The following KCNT2 variants were observed in gnomAD, a reference collection of about 807,000 sequenced individuals.
KCNT2 encodes the protein potassium sodium-activated channel subfamily T member 2, also known as potassium channel subfamily T member 2.
Under a neutral mutation model 153.8 loss-of-function variants are expected in KCNT2, and 67 were observed. The observed-to-expected ratio is 0.44, with a 90% confidence interval of 0.36 to 0.53. The LOEUF (loss-of-function observed/expected upper bound fraction) is 0.53. Ranked by LOEUF, KCNT2 falls within the 20% of genes least tolerant of loss-of-function variation. The pLI is 0.00. For missense variants in KCNT2, 975 were observed against 1,354.8 expected (o/e 0.72, Z 4.40); for synonymous variants, 500 against 458.8 (o/e 1.09, Z -1.15).
chr1:196,371,787 T>G (rs1417604677), intron 14 of KCNT2, among the ~76,000 whole-genome samples: 1 of 152,090 alleles, frequency 6.6e-6, no homozygotes, highest in East Asian at 1.9e-4. Context: ...TAATATTTAC[T>G]AGGAGATGCA....
intron 22 of KCNT2, among the ~76,000 whole-genome samples, chr1:196,292,533 G>A (rs1035866698): frequency 7.2e-5 from 11 of 152,172 alleles, no homozygotes; most frequent in Non-Finnish European, 1.5e-4. Context: ...GTGGCCGGGC[G>A]CAGTGGCTCA....
intron 16 of KCNT2, among the ~76,000 whole-genome samples, chr1:196,338,825 G>C (rs967039754): frequency 6.6e-6 from 1 of 151,558 alleles, no homozygotes; most frequent in Non-Finnish European, 1.5e-5. Flanking sequence ...ATGATTCTAG[G>C]GGCTATTTAC....
intron 14 of KCNT2, among the ~76,000 whole-genome samples, chr1:196,344,820 C>A (rs1343575471): frequency 6.6e-6 from 1 of 152,116 alleles, no homozygotes; most frequent in Non-Finnish European, 1.5e-5. Context: ...CTATTTTATG[C>A]TGGCACATTG....
chr1:196,560,532 T>C (rs2148920744), intron 1 of KCNT2, among the ~76,000 whole-genome samples: 1 of 151,990 alleles, frequency 6.6e-6, no homozygotes, highest in Admixed American at 6.6e-5. Flanking sequence ...TATGATCCAT[T>C]AATATCTTTC....
At chr1:196,312,971 G>T (rs1662336283) in intron 21 of KCNT2, among the ~76,000 whole-genome samples, 1 of 151,658 alleles carries the variant, frequency 6.6e-6, no homozygotes, top group Admixed American at 6.6e-5. Flanking sequence ...CATGCAAGGT[G>T]GTGGGTAGAG....
At chr1:196,248,209 A>G (rs1359800308) in intron 26 of KCNT2, among the ~76,000 whole-genome samples, 2 of 152,080 alleles carry the variant, frequency 1.3e-5, no homozygotes, top group Non-Finnish European at 2.9e-5. Flanking sequence ...AAAAACTTCA[A>G]ATAAACAACC....
intron 14 of KCNT2, among the ~76,000 whole-genome samples, chr1:196,355,605 T>C (rs1473208630): frequency 6.6e-6 from 1 of 151,814 alleles, no homozygotes; most frequent in Non-Finnish European, 1.5e-5. Flanking sequence ...TTAAATTCAC[T>C]GCCCTTAACG....
At chr1:196,474,383 T>C (rs1678354276) in intron 5 of KCNT2, among the ~76,000 whole-genome samples, 1 of 152,164 alleles carries the variant, frequency 6.6e-6, no homozygotes, top group Non-Finnish European at 1.5e-5. Context: ...CTTCTTTGGA[T>C]GAATTTAAAA....
chr1:196,551,414 G>A (rs963358260), intron 1 of KCNT2, among the ~76,000 whole-genome samples: 2 of 151,716 alleles, frequency 1.3e-5, no homozygotes, highest in Admixed American at 1.3e-4. Context: ...CTTTTGTAAA[G>A]GGGGATTCTT....
chr1:196,312,106 A>G (rs1203204476), intron 21 of KCNT2, among the ~76,000 whole-genome samples: 1 of 151,770 alleles, frequency 6.6e-6, no homozygotes, highest in African/African-American at 2.4e-5. Flanking sequence ...TTGTACTGGG[A>G]TGGCTTACTT....
chr1:196,441,552 T>C (rs1000605093), intron 8 of KCNT2, among the ~76,000 whole-genome samples: 2 of 151,548 alleles, frequency 1.3e-5, no homozygotes, highest in Non-Finnish European at 2.9e-5. Context: ...TATTTCAATA[T>C]TGTCCACATT....
chr1:196,376,219 A>C (rs1390756998), intron 13 of KCNT2, among the ~76,000 whole-genome samples: 1 of 151,820 alleles, frequency 6.6e-6, no homozygotes, highest in African/African-American at 2.4e-5. Context: ...TACTTACTAC[A>C]GGTTTCTAAT....
intron 26 of KCNT2, among the ~76,000 whole-genome samples, chr1:196,245,906 A>G (rs1655399405): frequency 6.6e-6 from 1 of 152,202 alleles, no homozygotes; most frequent in Non-Finnish European, 1.5e-5. Flanking sequence ...GAGGAGGTTG[A>G]AAGATAGGCT....
chr1:196,531,443 G>A (rs1022827911), intron 1 of KCNT2, among the ~76,000 whole-genome samples: 2 of 152,032 alleles, frequency 1.3e-5, no homozygotes, highest in African/African-American at 2.4e-5. Context: ...ACTGTTCTGC[G>A]ACTCTATTTC....
intron 27 of KCNT2, among the ~76,000 whole-genome samples, chr1:196,231,132 T>C (rs1653914082): frequency 6.6e-6 from 1 of 151,900 alleles, no homozygotes; most frequent in South Asian, 2.1e-4. Flanking sequence ...CAAAAAAAGA[T>C]TATGACTCCC....
chr1:196,396,095 G>C (rs1670914875), intron 13 of KCNT2, among the ~76,000 whole-genome samples: 1 of 151,592 alleles, frequency 6.6e-6, no homozygotes, highest in Non-Finnish European at 1.5e-5. Flanking sequence ...ATGATTCCTT[G>C]GGTTGGCTGG....
chr1:196,379,353 C>T (rs554757663), intron 13 of KCNT2, among the ~76,000 whole-genome samples: 1 of 152,104 alleles, frequency 6.6e-6, no homozygotes, highest in East Asian at 1.9e-4. Flanking sequence ...GGCACATCAT[C>T]TGAGGTCAGG....
rs115036630 is a variant in KCNT2, at chr1:196,294,808, T to C, written c.2596-9050A>G. Among the ~76,000 whole-genome samples, 722 of 151,514 alleles carry C rather than the reference T, an allele frequency of 4.8e-3. 4 individuals are homozygous for C. The highest frequency in any genetic ancestry group is 0.016 in the African/African-American group (649 of 41,386). ...AGAAAATATGATATATATATATATA[T>C]ACATAATGGAATACTATTTTGCCTA... On this transcript the variant is annotated intron_variant, in intron 22 of 27. Coordinates refer to ENST00000294725, the MANE Select transcript of KCNT2 (RefSeq NM_198503.5).
chr1:196,238,308 T>C (rs899294887), intron 26 of KCNT2, among the ~76,000 whole-genome samples: 21 of 151,984 alleles, frequency 1.4e-4, no homozygotes, highest in African/African-American at 5.1e-4. Flanking sequence ...GTGGGAGATA[T>C]GATTTTTGTG....
Sources: allele counts gnomAD v4.1 joint callset (sites outside exome capture counted in the v4.1 genomes callset), GRCh38; gene constraint gnomAD v4.1.1; transcripts MANE v1.5; gene names NCBI Gene and HGNC (gene_info 2026-07-23, HGNC 2026-07-21).